SNX13: variants seen among roughly 807,000 people sequenced by gnomAD.
The protein encoded by SNX13 is sorting nexin 13, also known as sorting nexin-13.
SNX13 carries 45 observed loss-of-function variants against 133.6 expected under a neutral mutation model. The ratio of observed to expected loss-of-function variants is 0.34; its 90% confidence interval spans 0.27 to 0.43. The LOEUF (loss-of-function observed/expected upper bound fraction) is 0.43, where lower values mean the gene tolerates loss of function less well. Ranked by LOEUF, SNX13 falls within the 20% of genes least tolerant of loss-of-function variation. SNX13 has a pLI of 1.00. For synonymous variants in SNX13, 414 were observed against 373.9 expected (o/e 1.11, Z -1.24); for missense variants, 1,032 against 1,145.1 (o/e 0.90, Z 1.43).
chr7:17,835,859 G>A (rs1789074196), intron 13 of SNX13, among the ~76,000 whole-genome samples: 1 of 151,934 alleles, frequency 6.6e-6, no homozygotes, highest in Non-Finnish European at 1.5e-5. Flanking sequence ...TGTGGTGGTT[G>A]TTGTTTTGAG....
intron 1 of SNX13, among the ~76,000 whole-genome samples, chr7:17,905,134 G>A (rs1798254300): frequency 6.6e-6 from 1 of 152,150 alleles, no homozygotes; most frequent in South Asian, 2.1e-4. Context: ...TTAGTTTATA[G>A]TGCAGCAACA....
chr7:17,910,222 G>A (rs17138437), intron 1 of SNX13, among the ~76,000 whole-genome samples: 5,487 of 152,100 alleles, frequency 0.036, 318 homozygotes, highest in African/African-American at 0.12. Context: ...CATTCCCATA[G>A]GTTTTAGGAA....
chr7:17,906,599 T>C (rs1045714093), intron 1 of SNX13, among the ~76,000 whole-genome samples: 2 of 152,090 alleles, frequency 1.3e-5, no homozygotes, highest in Non-Finnish European at 2.9e-5. Context: ...TAATCTGATA[T>C]GGCCAAAAGG....
At chr7:17,935,415 A>T (rs888069557) in intron 1 of SNX13, among the ~76,000 whole-genome samples, 4 of 152,210 alleles carry the variant, frequency 2.6e-5, no homozygotes, top group African/African-American at 9.7e-5. Context: ...TCAGATAGAT[A>T]GAAGGAAGAA....
chr7:17,848,545 G>C (rs907303024), intron 11 of SNX13, among the ~76,000 whole-genome samples: 1 of 152,204 alleles, frequency 6.6e-6, no homozygotes, highest in Non-Finnish European at 1.5e-5. Flanking sequence ...ACCTTCTAGG[G>C]CTTTGGGAGT....
At chr7:17,796,768 G>T in intron 25 of SNX13, 59 bp downstream of exon 25, 1 of 1,260,946 alleles carries the variant, frequency 7.9e-7, no homozygotes, top group Non-Finnish European at 1.2e-6. Flanking sequence ...CATGATGAAT[G>T]CTAAAAACTC....
intron 5 of SNX13, among the ~76,000 whole-genome samples, chr7:17,887,921 TAAGTTAAA>T (rs1227020518): frequency 6.6e-6 from 1 of 151,770 alleles, no homozygotes; most frequent in Non-Finnish European, 1.5e-5. Context: ...TAAAGGACTG[TAAGTTAAA>T]GAATAGAGGT....
rs758064690 is a variant in SNX13 at position 17,794,078 on chromosome 7, T to C, written c.2841A>G (p.Gln947=). 1.2e-5 allele frequency: 20 copies of C among 1,611,552 alleles called. No individual in the cohort carries two copies. The highest frequency in any genetic ancestry group is 1.7e-5 in the Non-Finnish European group (20 of 1,178,268). ...KQMQKYKQKL[Q]TTQAPSLQKR The stretch of plus-strand genomic sequence containing the variant: ...TCTGCAAAGAAGGCGCTTGAGTAGT[T>C]TGAAGTTTCTGTTTATATTTCTGCA... The change falls in exon 26 of 26, where the codon CAA becomes CAG. Residue 947 remains glutamine (Q), a synonymous_variant. Transcript: ENST00000428135.
intron 4 of SNX13, among the ~76,000 whole-genome samples, 190 bp downstream of exon 4, chr7:17,891,356 A>G (rs1224281440): frequency 4.6e-5 from 7 of 152,086 alleles, no homozygotes; most frequent in African/African-American, 1.7e-4. Flanking sequence ...AAAGGCTTTT[A>G]CATAAAGTAA....
intron 1 of SNX13, among the ~76,000 whole-genome samples, chr7:17,923,152 TA>T (rs1205098449): frequency 5.9e-5 from 9 of 152,172 alleles, no homozygotes; most frequent in Admixed American, 5.9e-4. Context: ...GCAAAAGTCA[TA>T]AGGCTGTCCC....
chr7:17,884,876 T>C (rs55768726), intron 5 of SNX13, among the ~76,000 whole-genome samples: 7,295 of 152,224 alleles, frequency 0.048, 224 homozygotes, highest in South Asian at 0.11. Flanking sequence ...ATAACTTAAG[T>C]GTTGGTCAAA....
chr7:17,904,744 T>C (rs1465413948), intron 1 of SNX13, among the ~76,000 whole-genome samples: 3 of 152,158 alleles, frequency 2.0e-5, no homozygotes, highest in African/African-American at 4.8e-5. Flanking sequence ...AAATTATATA[T>C]ATAGTTCAAC....
intron 1 of SNX13, among the ~76,000 whole-genome samples, chr7:17,926,840 C>T (rs1800804866): frequency 1.3e-5 from 2 of 152,126 alleles, no homozygotes; most frequent in South Asian, 4.1e-4. Context: ...GAGCCGTGTT[C>T]GTGCTACTGC....
At chr7:17,808,067 C>T (rs529922457) in intron 20 of SNX13, among the ~76,000 whole-genome samples, 12 of 152,304 alleles carry the variant, frequency 7.9e-5, no homozygotes, top group Admixed American at 6.5e-4. Context: ...AGGATCACAA[C>T]TCCTTGCTAG....
chr7:17,860,200 T>G (rs1172125253), intron 9 of SNX13, among the ~76,000 whole-genome samples: 1 of 152,172 alleles, frequency 6.6e-6, no homozygotes, highest in Non-Finnish European at 1.5e-5. Flanking sequence ...TGTAAGATAA[T>G]TCATTTACTA....
chr7:17,829,802 A>T (rs1167800487), intron 16 of SNX13, among the ~76,000 whole-genome samples: 1 of 151,374 alleles, frequency 6.6e-6, no homozygotes, highest in Non-Finnish European at 1.5e-5. Context: ...GCCAATTTTT[A>T]AAATAAAGAT....
In SNX13 at chr7:17,794,274, A is replaced by G. The variant is rs763377449; in HGVS notation, c.2645T>C (p.Ile882Thr). The stretch of plus-strand genomic sequence containing the variant: ...ACCTTTCCGTGTTGTCTCAGCCCCA[A>G]TAATGTGCTTCAGCTCATCTAAATG... ...AIMPDELKHI[I>T]GAETTRKGIL... is the part of the protein sequence containing the mutation. Residue 882 changes from isoleucine to threonine, a missense_variant, in exon 26 of 26, where the codon ATT (isoleucine) becomes ACT (threonine). Physicochemically the swap from Ile to Thr is moderately conservative, Grantham distance 89 (BLOSUM62 -1). Transcript: ENST00000428135. 10 of 1,610,710 alleles carry G rather than the reference A, an allele frequency of 6.2e-6. No individual in the cohort carries two copies. Among genetic ancestry groups the G allele is most frequent in the Admixed American group, 3.4e-5 (2 of 59,636 alleles).
chr7:17,826,162 T>C (rs532011830), intron 16 of SNX13, 71 bp from the exon 17 acceptor site: 11 of 930,416 alleles, frequency 1.2e-5, no homozygotes, highest in Non-Finnish European at 1.6e-5. Flanking sequence ...GAATTCTACA[T>C]CATATATGCA....
chr7:17,809,188 G>A (rs1236888015), intron 20 of SNX13, among the ~76,000 whole-genome samples: 3 of 150,290 alleles, frequency 2.0e-5, no homozygotes, highest in Admixed American at 6.7e-5. Context: ...AAGACCCACC[G>A]GAGTGCTGTA....
Sources: gnomAD v4.1 joint callset for allele counts (sites outside exome capture counted in the v4.1 genomes callset) on GRCh38, gnomAD v4.1.1 for gene constraint, MANE v1.5 for transcripts, NCBI Gene and HGNC (gene_info 2026-07-23, HGNC 2026-07-21) for gene names.